The following TNXB variants were observed in gnomAD, a reference collection of about 807,000 sequenced individuals.
TNXB encodes the protein tenascin XB.
Under a neutral mutation model 340.5 loss-of-function variants are expected in TNXB, and 183 were observed. The ratio of observed to expected loss-of-function variants is 0.54; its 90% CI spans 0.48 to 0.61. TNXB has a LOEUF of 0.61. Among genes scored for constraint, TNXB ranks in the 20% least tolerant of loss-of-function variants. TNXB has a pLI of 0.00. For missense variants in TNXB, 4,613 were observed against 5,446.4 expected (o/e 0.85, Z 4.82); for synonymous variants, 2,121 against 2,314.5 (o/e 0.92, Z 2.40).
Position 32,070,496 on chromosome 6 carries a change from C to A in TNXB, c.4991-82G>T. On this transcript the variant is annotated intron_variant, in intron 13 of 43. Coordinates refer to ENST00000644971, the MANE Select transcript of TNXB (RefSeq NM_001365276.2). This position sits in a 1 kb window ranked among gnomAD's most constrained non-coding sequence, Gnocchi z 6.0. ...CCTCTGGGGCTGGAAAAACCCAGAA[C>A]TGCCCAAATGCTCAGTGCTTCCCCA... 1 of 1,394,222 alleles carries A rather than the reference C, an allele frequency of 7.2e-7. No individual in the cohort carries two copies. The highest frequency in any genetic ancestry group is 2.5e-5 in the East Asian group (1 of 40,244). 86.4% of individuals were successfully genotyped at this position (1,394,222 alleles called of 1,614,324 possible).
chr6:32,057,828 G>A (rs1357480207), intron 22 of TNXB, among the ~76,000 whole-genome samples: 7 of 152,136 alleles, frequency 4.6e-5, no homozygotes, highest in South Asian at 4.1e-4. Context: ...TGACTTAGGC[G>A]TCCCTGTCTG....
At position 32,096,214 on chromosome 6, in the gene TNXB, C is replaced by A; in HGVS notation, c.1639G>T (p.Ala547Ser). 6.4e-7 allele frequency: 1 copy of A among 1,568,244 alleles called. No homozygotes were observed. Among genetic ancestry groups the A allele is most frequent in the Non-Finnish European group, 8.6e-7 (1 of 1,160,066 alleles). ...CTGCAGTCTTCCCCTGAGTAGCCTG[C>A]GTCACACACGCACACGCCATCCTCG... ...LCEDGVCVCD[A>S]GYSGEDCSTR... The change falls in exon 3 of 44, where the codon GCA becomes TCA. Residue 547 changes from alanine (A) to serine (S), a missense_variant. Physicochemically the swap from Ala to Ser is moderately conservative, Grantham distance 99 (BLOSUM62 1). Transcript: ENST00000644971.
In TNXB at chr6:32,080,846, T is replaced by C. The variant is rs145123275; in HGVS notation, c.4042+522A>G. 1.1e-3 allele frequency among the ~76,000 whole-genome samples: 166 copies of C among 151,626 alleles called. 1 individual carries two copies. Among genetic ancestry groups the C allele is most frequent in the African/African-American group, 3.8e-3 (156 of 41,312 alleles). On this transcript the variant is annotated intron_variant, in intron 10 of 43. Coordinates refer to ENST00000644971, the MANE Select transcript of TNXB (RefSeq NM_001365276.2). This position sits in a 1 kb window ranked among gnomAD's most constrained non-coding sequence, Gnocchi z 4.3. ...TGCCCTGTTCCAAGGGGGCTGGGAGTCAAGGAGTCGGGAGCTGAGAGGAGT... is the reference window on the plus strand; with the variant it reads ...TGCCCTGTTCCAAGGGGGCTGGGAGCCAAGGAGTCGGGAGCTGAGAGGAGT...
chr6:32,106,609 C>A (rs1274048965), intron 1 of TNXB, among the ~76,000 whole-genome samples: 1 of 152,190 alleles, frequency 6.6e-6, no homozygotes, highest in South Asian at 2.1e-4. Context: ...CTGCTACCAG[C>A]CAGCAAGAGA....
Position 32,046,608 on chromosome 6 carries a change from A to T in TNXB, c.10325-152T>A. The T allele has an allele frequency of 1.6e-6, 1 of 619,400 alleles. No individual in the cohort carries two copies. The highest frequency in any genetic ancestry group is 2.6e-6 in the Non-Finnish European group (1 of 384,446). The allele number at this position is 619,400 out of a possible 1,614,324, so 38.4% of individuals were successfully genotyped here. ...GGAGACACACAGGCCTGCTCCCGCC[A>T]TGCCCCACAGGAATGAGGGAGAACA... is the stretch of plus-strand genomic sequence containing the variant. On this transcript the variant is annotated intron_variant, in intron 30 of 43. Coordinates refer to ENST00000644971, the MANE Select transcript of TNXB (RefSeq NM_001365276.2). The surrounding 1 kb of genome is among the most constrained non-coding windows in gnomAD (Gnocchi z 6.9).
Position 32,044,612 on chromosome 6 carries a change from G to A in TNXB, c.11032C>T (p.Pro3678Ser). ...AGGAAGGAGTCGAAGGCCCCCGGTG[G>A]GGCCTCCCAGTTGAGCCTCAGTGAA... ...TSSLRLNWEA[P>S]PGAFDSFLLR... Residue 3678 changes from proline (P) to serine (S), a missense_variant, in exon 33 of 44, where the codon CCA becomes TCA. Pro to Ser is a moderately conservative substitution (Grantham distance 74, BLOSUM62 -1). Coordinates refer to ENST00000644971, the MANE Select transcript of TNXB (RefSeq NM_001365276.2). 2.3e-6 allele frequency: 1 copy of A among 433,196 alleles called. No homozygotes were observed. Among genetic ancestry groups the A allele is most frequent in the Non-Finnish European group, 3.9e-6 (1 of 257,876 alleles). The allele number at this position is 433,196 out of a possible 1,614,324, so 26.8% of individuals were successfully genotyped here. A position where few individuals can be genotyped will look rare whatever the true frequency, so the allele number is the denominator to read the frequency against.
At position 32,056,571 on chromosome 6, in the gene TNXB, C is replaced by T; in HGVS notation, c.8143+15G>A. The T allele has an allele frequency of 6.2e-7, 1 of 1,611,938 alleles. No individual in the cohort carries two copies. The highest frequency in any genetic ancestry group is 8.5e-7 in the Non-Finnish European group (1 of 1,179,186). ...TCCCACGGCTCCCACCCTGGGGCTGCCATCATCCACTCACCCGTCACCCCA... is the reference window on the plus strand; with the variant it reads ...TCCCACGGCTCCCACCCTGGGGCTGTCATCATCCACTCACCCGTCACCCCA... On this transcript the variant is annotated intron_variant, in intron 23 of 43. Coordinates refer to ENST00000644971, the MANE Select transcript of TNXB (RefSeq NM_001365276.2).
intron 24 of TNXB, among the ~76,000 whole-genome samples, chr6:32,054,736 T>A (rs918251088): frequency 3.9e-5 from 6 of 152,184 alleles, no homozygotes; most frequent in Non-Finnish European, 1.5e-5. Flanking sequence ...CATGAAAACA[T>A]GAACTTGTGT....
chr6:32,071,557 T>A (rs1310811773), intron 13 of TNXB, among the ~76,000 whole-genome samples: 1 of 150,496 alleles, frequency 6.6e-6, no homozygotes, highest in African/African-American at 2.4e-5. Flanking sequence ...CTGGTCCTCA[T>A]CTGCTTTGCG....
rs1777303462 is a variant in TNXB at position 32,051,938 on chromosome 6, AG to A, written c.9115+731del. Reference sequence around the variant, plus strand: ...GGGGCTGGGGCAAGGGGAGAATGGGAGTTCGTGTCTAGTGGGTAGGAAGTTT... The same window carrying A: ...GGGGCTGGGGCAAGGGGAGAATGGGATTCGTGTCTAGTGGGTAGGAAGTTT... On this transcript the variant is annotated intron_variant, in intron 26 of 43. Coordinates refer to ENST00000644971, the MANE Select transcript of TNXB (RefSeq NM_001365276.2). The surrounding 1 kb of genome is among the most constrained non-coding windows in gnomAD (Gnocchi z 4.7). Among the ~76,000 whole-genome samples, 1 of 152,148 alleles carries A rather than the reference AG, an allele frequency of 6.6e-6. No individual in the cohort carries two copies. The highest frequency in any genetic ancestry group is 2.4e-5 in the African/African-American group (1 of 41,416).
At position 32,049,340 on chromosome 6, in the gene TNXB, T is replaced by C; in HGVS notation, c.9687A>G (p.Lys3229=). 6.2e-7 allele frequency: 1 copy of C among 1,612,482 alleles called. No individual in the cohort carries two copies. The highest frequency in any genetic ancestry group is 8.5e-7 in the Non-Finnish European group (1 of 1,179,858). ...GGAGGCCGTACAGATGCATCTTGTA[T>C]TTGCGCCCGGGCTCCAGGCCCCCCA... is the stretch of plus-strand genomic sequence containing the variant. ...VTVGGLEPGR[K]YKMHLYGLHE... is the part of the protein sequence containing the mutation. Residue 3229 remains lysine, a synonymous_variant, in exon 28 of 44, where the codon AAA becomes AAG. Coordinates refer to ENST00000644971, the MANE Select transcript of TNXB (RefSeq NM_001365276.2). This position sits in a 1 kb window ranked among gnomAD's most constrained non-coding sequence, Gnocchi z 4.5.
rs951710473 is a variant in TNXB, at chr6:32,108,092, G to A, written c.-9+1089C>T. On this transcript the variant is annotated intron_variant, in intron 1 of 43. Coordinates refer to ENST00000644971, the MANE Select transcript of TNXB (RefSeq NM_001365276.2). This position sits in a 1 kb window ranked among gnomAD's most constrained non-coding sequence, Gnocchi z 4.8. ...GGCAGTTTCTGGTCCTGCACCTAGT[G>A]GCTAGGTCTGGAGTGAGCAAAGGAA... 2.0e-5 allele frequency among the ~76,000 whole-genome samples: 3 copies of A among 152,154 alleles called. No homozygotes were observed. The highest frequency in any genetic ancestry group is 4.4e-5 in the Non-Finnish European group (3 of 68,022).
At position 32,075,378 on chromosome 6, in the gene TNXB, A is replaced by C. The variant is rs1266611383; in HGVS notation, c.4376-1426T>G. On this transcript the variant is annotated intron_variant, in intron 11 of 43. Coordinates refer to ENST00000644971, the MANE Select transcript of TNXB (RefSeq NM_001365276.2). This position sits in a 1 kb window ranked among gnomAD's most constrained non-coding sequence, Gnocchi z 4.6. ...CCAACTCCACCACAAAACATACTGC[A>C]TTCCTCACTGTCTGCAGACATCTGG... 2.0e-5 allele frequency among the ~76,000 whole-genome samples: 3 copies of C among 152,132 alleles called. No individual in the cohort carries two copies.
At position 32,058,308 on chromosome 6, in the gene TNXB, C is replaced by A. The variant is rs748787925; in HGVS notation, c.7575G>T (p.Leu2525=). 6.2e-6 allele frequency: 10 copies of A among 1,611,798 alleles called. No individual in the cohort carries two copies. Among genetic ancestry groups the A allele is most frequent in the East Asian group, 2.2e-5 (1 of 44,876 alleles). The change falls in exon 22 of 44, where the codon CTG becomes CTT. Residue 2525 remains leucine, a synonymous_variant. Coordinates refer to ENST00000644971, the MANE Select transcript of TNXB (RefSeq NM_001365276.2). This position sits in a 1 kb window ranked among gnomAD's most constrained non-coding sequence, Gnocchi z 5.1. ...EAPGPPEEPL[L]GELTVTGSSP... ...AGGATCCTGTCACTGTCAGCTCCCC[C>A]AGGAGAGGCTCCTCGGGGGGCCCTG...
At chr6:32,060,876 C>T (rs1356210134) in intron 21 of TNXB, among the ~76,000 whole-genome samples, 2 of 151,932 alleles carry the variant, frequency 1.3e-5, no homozygotes, top group African/African-American at 2.4e-5. Context: ...TGACCTCAGG[C>T]GATCAGCCCG....
chr6:32,046,728 T>G lies in TNXB; in HGVS notation c.10325-272A>C. 2.7e-6 allele frequency: 1 copy of G among 369,872 alleles called. No individual in the cohort carries two copies. Among genetic ancestry groups the G allele is most frequent in the South Asian group, 1.0e-4 (1 of 9,842 alleles). 22.9% of individuals were successfully genotyped at this position (369,872 alleles called of 1,614,324 possible). On this transcript the variant is annotated intron_variant, in intron 30 of 43. Transcript: ENST00000644971. The surrounding 1 kb of genome is among the most constrained non-coding windows in gnomAD (Gnocchi z 6.9). The stretch of plus-strand genomic sequence containing the variant: ...GATGCGCCAAATTCATTACAGATCA[T>G]CTCCCGAGGGATGGGTGGCTGGGGG...
intron 3 of TNXB, 74 bp downstream of exon 3, chr6:32,095,537 G>A (rs1325016812): frequency 1.3e-6 from 2 of 1,537,564 alleles, no homozygotes; most frequent in Admixed American, 1.8e-5. Context: ...TCTTCCTCAG[G>A]CTCAGGTCTT....
In TNXB at chr6:32,052,226, C is replaced by T. The variant is rs189172237; in HGVS notation, c.9115+444G>A. Among the ~76,000 whole-genome samples the T allele has an allele frequency of 7.8e-4, 118 of 152,216 alleles. No individual in the cohort carries two copies. Among genetic ancestry groups the T allele is most frequent in the African/African-American group, 2.8e-3 (115 of 41,536 alleles). ...CAGCACTTTGGGAGGCCGAGGAGGG[C>T]AGATCACGAGGTCAGGAGATTGAGA... On this transcript the variant is annotated intron_variant, in intron 26 of 43. Transcript: ENST00000644971. This position sits in a 1 kb window ranked among gnomAD's most constrained non-coding sequence, Gnocchi z 4.7.
intron 4 of TNXB, among the ~76,000 whole-genome samples, chr6:32,092,256 T>C (rs1391615349): frequency 6.6e-6 from 1 of 152,212 alleles, no homozygotes; most frequent in East Asian, 1.9e-4. Flanking sequence ...TCCCAGGTGA[T>C]GCTGATGCTG....
Sources: gnomAD v4.1 joint callset for allele counts (sites outside exome capture counted in the v4.1 genomes callset) on GRCh38, gnomAD v4.1.1 for gene constraint, Gnocchi (gnomAD v3.1) non-coding constraint, MANE v1.5 for transcripts, NCBI Gene and HGNC (gene_info 2026-07-23, HGNC 2026-07-21) for gene names.